Variants in CACNA1C observed in about 807,000 individuals in gnomAD.
The protein encoded by CACNA1C is voltage-dependent L-type calcium channel subunit alpha-1C.
CACNA1C carries 30 observed loss-of-function variants against 229.0 expected under a neutral mutation model. The observed-to-expected ratio is 0.13, with a 90% CI of 0.10 to 0.18. The LOEUF (loss-of-function observed/expected upper bound fraction) is 0.18, where lower values mean the gene tolerates loss of function less well. Ranked by LOEUF, CACNA1C falls within the 10% of genes least tolerant of loss-of-function variation. The probability of loss-of-function intolerance (pLI) is 1.00; values close to 1 mark genes in which losing one functional copy is unlikely to be tolerated. For missense variants in CACNA1C, 1,658 were observed against 2,845.0 expected (o/e 0.58, Z 9.49); for synonymous variants, 1,114 against 1,132.5 (o/e 0.98, Z 0.33).
chr12:2,072,488 C>T (rs1595062397), intron 1 of CACNA1C, among the ~76,000 whole-genome samples: 1 of 152,294 alleles, frequency 6.6e-6, no homozygotes, highest in East Asian at 1.9e-4. Context: ...GTATGAGCCA[C>T]TGCACCCAGC....
At chr12:2,324,873 T>C (rs1336958132) in intron 3 of CACNA1C, among the ~76,000 whole-genome samples, 1 of 152,132 alleles carries the variant, frequency 6.6e-6, no homozygotes, top group Admixed American at 6.5e-5. Flanking sequence ...ATGGAGTACC[T>C]ACTACGTGCC....
chr12:2,653,098 G>A lies in CACNA1C; in HGVS notation c.4075-737G>A, dbSNP rs2095186920. The stretch of plus-strand genomic sequence containing the variant: ...CCATGGCCTGTCCCCAGAAGTCACG[G>A]GGGCTCTGGAAAATTAGTTGTCTGA... On this transcript the variant is annotated intron_variant, in intron 32 of 46. Coordinates refer to ENST00000399655, the MANE Select transcript of CACNA1C (RefSeq NM_000719.7). This position sits in a 1 kb window ranked among gnomAD's most constrained non-coding sequence, Gnocchi z 4.7. Among the ~76,000 whole-genome samples the A allele has an allele frequency of 6.6e-6, 1 of 152,242 alleles. No individual in the cohort carries two copies. The highest frequency in any genetic ancestry group is 2.4e-5 in the African/African-American group (1 of 41,470).
chr12:2,296,239 C>T (rs1233217792), intron 3 of CACNA1C, among the ~76,000 whole-genome samples: 1 of 152,220 alleles, frequency 6.6e-6, no homozygotes, highest in Non-Finnish European at 1.5e-5. Flanking sequence ...GAGGAGCAGT[C>T]TGTGGGCTGC....
intron 24 of CACNA1C, among the ~76,000 whole-genome samples, 159 bp from the exon 25 acceptor site, chr12:2,606,452 C>T (rs1195250131): frequency 3.9e-5 from 6 of 152,064 alleles, no homozygotes; most frequent in Non-Finnish European, 5.9e-5. Flanking sequence ...TATTCGCCAC[C>T]GTTCTGTGCG....
chr12:2,090,034 A>T (rs1053025924), intron 1 of CACNA1C, among the ~76,000 whole-genome samples: 1 of 149,986 alleles, frequency 6.7e-6, no homozygotes, highest in African/African-American at 2.5e-5. Flanking sequence ...GTCTCAAAGG[A>T]AAAAAAAGAA....
At chr12:2,611,806 G>A (rs2077943964) in intron 28 of CACNA1C, 97 bp from the exon 29 acceptor site, 2 of 718,916 alleles carry the variant, frequency 2.8e-6, no homozygotes, top group South Asian at 3.4e-5. Flanking sequence ...GGAAGGTCTT[G>A]CTGAGGCGAG....
intron 43 of CACNA1C, among the ~76,000 whole-genome samples, chr12:2,684,222 G>A (rs563344201): frequency 3.9e-5 from 6 of 152,298 alleles, no homozygotes; most frequent in Non-Finnish European, 7.3e-5. Flanking sequence ...AATCGAGTGA[G>A]TAAGGAAAAG....
intron 3 of CACNA1C, among the ~76,000 whole-genome samples, chr12:2,227,157 G>C (rs76314765): frequency 0.039 from 5,942 of 152,196 alleles, 153 homozygotes; most frequent in Middle Eastern, 0.054. Flanking sequence ...ATCCCCTCCT[G>C]ACTTTAGTCC....
At chr12:2,311,681 G>A (rs2095444419) in intron 3 of CACNA1C, among the ~76,000 whole-genome samples, 2 of 152,200 alleles carry the variant, frequency 1.3e-5, no homozygotes, top group African/African-American at 4.8e-5. Context: ...ATACAAGTGT[G>A]CCCTTAAACA....
intron 1 of CACNA1C, among the ~76,000 whole-genome samples, chr12:2,063,970 C>A (rs1269367812): frequency 1.3e-5 from 2 of 152,102 alleles, no homozygotes; most frequent in Non-Finnish European, 2.9e-5. Context: ...GGTAGTGCCC[C>A]AAATTTGAAG....
intron 1 of CACNA1C, among the ~76,000 whole-genome samples, chr12:1,996,616 TAAAAAAAAAAAAAAA>T (rs78563698): frequency 2.1e-4 from 4 of 18,842 alleles, no homozygotes; most frequent in Non-Finnish European, 3.8e-4. Flanking sequence ...GCTGATGAGC[TAAAAAAAAAAAAAAA>T]AAAAAAAAAA....
In CACNA1C at chr12:2,054,164, C is replaced by G. The variant is rs1487892408; in HGVS notation, c.49+553C>G. On this transcript the variant is annotated intron_variant, in intron 1 of 46. Transcript: ENST00000399655. The surrounding 1 kb of genome is among the most constrained non-coding windows in gnomAD (Gnocchi z 5.5). ...GCCCTGGGCGGCGCGCTCCAGGTGG[C>G]GGGTGGGGGCGGCGGTGCAGATGTG... 6.6e-6 allele frequency among the ~76,000 whole-genome samples: 1 copy of G among 151,728 alleles called. No individual in the cohort carries two copies. The highest frequency in any genetic ancestry group is 1.5e-5 in the Non-Finnish European group (1 of 67,852).
At chr12:2,456,425 C>G (rs572854672) in intron 4 of CACNA1C, among the ~76,000 whole-genome samples, 1 of 152,190 alleles carries the variant, frequency 6.6e-6, no homozygotes, top group African/African-American at 2.4e-5. Context: ...GCTCAAAGTC[C>G]CCCAATGGCT....
intron 5 of CACNA1C, among the ~76,000 whole-genome samples, chr12:2,483,475 T>G: frequency 6.6e-6 from 1 of 152,238 alleles, no homozygotes; most frequent in East Asian, 1.9e-4. Context: ...ACAGTGGCTC[T>G]TCTCCTGGGG....
At chr12:2,505,108 C>A (rs975189380) in intron 8 of CACNA1C, among the ~76,000 whole-genome samples, 163 bp downstream of exon 8, 1 of 152,054 alleles carries the variant, frequency 6.6e-6, no homozygotes, top group Non-Finnish European at 1.5e-5. Flanking sequence ...GGTAAAGGGT[C>A]AGATGTGCCA....
intron 9 of CACNA1C, among the ~76,000 whole-genome samples, chr12:2,540,650 C>T (rs562735901): frequency 2.6e-5 from 4 of 152,262 alleles, no homozygotes; most frequent in African/African-American, 9.6e-5. Context: ...GGCTGCAGTT[C>T]GCTGACCCCT....
chr12:2,525,275 G>A (rs1289944197), intron 9 of CACNA1C, among the ~76,000 whole-genome samples: 2 of 152,210 alleles, frequency 1.3e-5, no homozygotes, highest in Non-Finnish European at 2.9e-5. Context: ...GGCGGAGTGG[G>A]GGTCAGTCAG....
intron 3 of CACNA1C, among the ~76,000 whole-genome samples, chr12:2,156,339 A>T (rs2095553450): frequency 6.6e-6 from 1 of 152,236 alleles, no homozygotes; most frequent in South Asian, 2.1e-4. Flanking sequence ...AAAAGCTAGT[A>T]GCGTAAAAAT....
intron 1 of CACNA1C, among the ~76,000 whole-genome samples, chr12:1,978,443 G>A (rs559545959): frequency 6.6e-6 from 1 of 152,168 alleles, no homozygotes; most frequent in African/African-American, 2.4e-5. Context: ...TAAATGTCAG[G>A]AAAATAAAGA....
Sources: allele counts gnomAD v4.1 joint callset (sites outside exome capture counted in the v4.1 genomes callset), GRCh38; gene constraint gnomAD v4.1.1; non-coding constraint Gnocchi (gnomAD v3.1); transcripts MANE v1.5; gene names NCBI Gene and HGNC (gene_info 2026-07-23, HGNC 2026-07-21).